The following KCNN2 variants were observed in gnomAD, a reference collection of about 807,000 sequenced individuals.
KCNN2 encodes the protein potassium calcium-activated channel subfamily N member 2.
In KCNN2, 24 loss-of-function variants were observed where a neutral mutation model predicts 55.5. The observed-to-expected ratio is 0.43, with a 90% CI of 0.31 to 0.61. KCNN2 has a LOEUF of 0.61. KCNN2 is among the 20% of genes least tolerant of loss of function. The probability of loss-of-function intolerance (pLI) is 0.08; values close to 1 mark genes in which losing one functional copy is unlikely to be tolerated. For synonymous variants in KCNN2, 431 were observed against 336.1 expected (o/e 1.28, Z -3.09); for missense variants, 754 against 853.6 (o/e 0.88, Z 1.45).
chr5:114,414,367 G>C lies in KCNN2; in HGVS notation c.1637+9511G>C, dbSNP rs79101640. ...GTAGATTTTAGTATTGTATCCCCAA[G>C]CTGGTGTCAGGTAATAAAGCACCTA... On this transcript the variant is annotated intron_variant, in intron 3 of 7. Coordinates refer to ENST00000673685, the MANE Select transcript of KCNN2 (RefSeq NM_021614.4). 3.0e-3 allele frequency among the ~76,000 whole-genome samples: 464 copies of C among 152,266 alleles called. 26 individuals carry two copies. In the East Asian group the frequency reaches 0.083, roughly 27 times the overall value.
intron 2 of KCNN2, among the ~76,000 whole-genome samples, chr5:114,398,500 A>AG (rs1491290135): frequency 1.4e-5 from 2 of 138,572 alleles, no homozygotes; most frequent in Non-Finnish European, 3.1e-5. Flanking sequence ...TTTTTTTTGT[A>AG]GTTGTTGTTT....
At position 114,272,337 on chromosome 5, in the gene KCNN2, CACAT is replaced by C. The variant is rs1319730853; in HGVS notation, c.-185+50774_-185+50777del. ...ACACATATATGTATGTACATATACA[CACAT>C]ATATGTATGTACATACCATATACAC... On this transcript the variant is annotated intron_variant, in intron 2 of 10. Transcript: ENST00000512097. Among the ~76,000 whole-genome samples, 12 of 112,790 alleles carry C rather than the reference CACAT, an allele frequency of 1.1e-4. 1 individual carries two copies. The highest frequency in any genetic ancestry group is 1.3e-4 in the African/African-American group (4 of 31,538). The allele number at this position is 112,790 out of a possible 152,430, so 74.0% of individuals were successfully genotyped here.
At chr5:114,110,091 C>T (rs996210775) in intron 1 of KCNN2, among the ~76,000 whole-genome samples, 6 of 152,020 alleles carry the variant, frequency 3.9e-5, no homozygotes, top group Non-Finnish European at 5.9e-5. Context: ...TGGATGCAGC[C>T]CTCACTAAAC....
intron 3 of KCNN2, among the ~76,000 whole-genome samples, chr5:114,405,786 C>G (rs1758912450): frequency 1.3e-5 from 2 of 151,766 alleles, no homozygotes; most frequent in African/African-American, 4.8e-5. Flanking sequence ...TCTCGGCTCA[C>G]TGCAAGCTCT....
At chr5:114,104,080 T>G (rs1751430430) in intron 1 of KCNN2, among the ~76,000 whole-genome samples, 1 of 152,148 alleles carries the variant, frequency 6.6e-6, no homozygotes, top group Admixed American at 6.5e-5. Context: ...TAGTAGGCTA[T>G]TAATTACTGC....
intron 2 of KCNN2, among the ~76,000 whole-genome samples, chr5:114,279,869 T>C (rs913467315): frequency 5.9e-5 from 9 of 152,134 alleles, no homozygotes; most frequent in African/African-American, 2.2e-4. Context: ...CTCGAGGAAT[T>C]GCCATACTGT....
intron 3 of KCNN2, among the ~76,000 whole-genome samples, chr5:114,409,409 T>C (rs1309217503): frequency 6.6e-6 from 1 of 152,204 alleles, no homozygotes; most frequent in East Asian, 1.9e-4. Flanking sequence ...TTGATAATTA[T>C]TTTCTGACCC....
intron 2 of KCNN2, among the ~76,000 whole-genome samples, chr5:114,391,308 A>G (rs1445424718): frequency 6.6e-6 from 1 of 152,062 alleles, no homozygotes; most frequent in Non-Finnish European, 1.5e-5. Context: ...ATACTTATTC[A>G]TTTGGTCACT....
chr5:114,109,452 G>T (rs1039617829), intron 1 of KCNN2, among the ~76,000 whole-genome samples: 4 of 152,054 alleles, frequency 2.6e-5, no homozygotes, highest in African/African-American at 9.7e-5. Flanking sequence ...ACAAGGGCAT[G>T]AATAACAGGA....
chr5:114,162,168 A>G (rs1752800211), intron 1 of KCNN2, among the ~76,000 whole-genome samples: 1 of 152,182 alleles, frequency 6.6e-6, no homozygotes, highest in Non-Finnish European at 1.5e-5. Flanking sequence ...GGTGATGTAC[A>G]GACGGGTTTT....
At chr5:114,205,886 A>G (rs1037714174) in intron 1 of KCNN2, among the ~76,000 whole-genome samples, 16 of 152,326 alleles carry the variant, frequency 1.1e-4, no homozygotes, top group African/African-American at 3.8e-4. Context: ...AATAGAATAG[A>G]TGGCAGACGG....
At chr5:114,081,387 C>T (rs1750817119) in intron 1 of KCNN2, among the ~76,000 whole-genome samples, 1 of 152,128 alleles carries the variant, frequency 6.6e-6, no homozygotes, top group Non-Finnish European at 1.5e-5. Flanking sequence ...CATTTCAAGA[C>T]TTATTACAAA....
At chr5:114,070,502 T>C (rs1014470092) in intron 1 of KCNN2, among the ~76,000 whole-genome samples, 2 of 152,200 alleles carry the variant, frequency 1.3e-5, no homozygotes, top group African/African-American at 4.8e-5. Context: ...TCCCGGGCTG[T>C]CTCTTCCAGA....
chr5:114,200,084 TA>T (rs1287615565), intron 1 of KCNN2, among the ~76,000 whole-genome samples: 9 of 152,204 alleles, frequency 5.9e-5, no homozygotes, highest in African/African-American at 1.7e-4. Context: ...TTTCATTGAT[TA>T]TTTTTTTAGA....
chr5:114,103,867 G>A (rs1016610706), intron 1 of KCNN2, among the ~76,000 whole-genome samples: 1 of 152,144 alleles, frequency 6.6e-6, no homozygotes, highest in Non-Finnish European at 1.5e-5. Context: ...GTTCATCAGG[G>A]ATATTGGCCT....
chr5:114,366,095 G>T (rs1222532017), intron 2 of KCNN2, among the ~76,000 whole-genome samples: 1 of 152,134 alleles, frequency 6.6e-6, no homozygotes, highest in Non-Finnish European at 1.5e-5. Context: ...ATTTACAGAA[G>T]TTTATAAAAA....
chr5:114,290,708 A>G (rs1755868841), intron 2 of KCNN2, among the ~76,000 whole-genome samples: 1 of 152,112 alleles, frequency 6.6e-6, no homozygotes, highest in Non-Finnish European at 1.5e-5. Context: ...TTGCATAGAA[A>G]TAGAGGCATT....
chr5:114,179,507 A>G (rs538523603), intron 1 of KCNN2, among the ~76,000 whole-genome samples: 1 of 152,350 alleles, frequency 6.6e-6, no homozygotes, highest in South Asian at 2.1e-4. Flanking sequence ...CAGGGTCAAG[A>G]ACAAGCCTAA....
chr5:114,401,483 T>G (rs1758785613), intron 2 of KCNN2, among the ~76,000 whole-genome samples: 1 of 152,206 alleles, frequency 6.6e-6, no homozygotes, highest in African/African-American at 2.4e-5. Flanking sequence ...CAAGGAAGTT[T>G]ATTTATCAAG....
Sources: gnomAD v4.1 joint callset for allele counts (sites outside exome capture counted in the v4.1 genomes callset) on GRCh38, gnomAD v4.1.1 for gene constraint, MANE v1.5 for transcripts, NCBI Gene and HGNC (gene_info 2026-07-23, HGNC 2026-07-21) for gene names.